FCHSD2: variants seen among roughly 807,000 people sequenced by gnomAD.
FCHSD2 encodes FCH and double SH3 domains 2.
FCHSD2 carries 38 observed loss-of-function variants against 108.1 expected under a neutral mutation model. The ratio of observed to expected loss-of-function variants is 0.35; its 90% CI spans 0.27 to 0.46. FCHSD2 has a LOEUF of 0.46. Among genes scored for constraint, FCHSD2 ranks in the 20% least tolerant of loss-of-function variants. The pLI is 1.00. For synonymous variants in FCHSD2, 279 were observed against 314.7 expected, an observed-to-expected ratio of 0.89 and a Z score of 1.20; for missense variants, 751 against 897.8, an observed-to-expected ratio of 0.84 and a Z score of 2.09.
chr11:72,883,033 C>T (rs571383553), intron 12 of FCHSD2, among the ~76,000 whole-genome samples: 11 of 152,054 alleles, frequency 7.2e-5, no homozygotes, highest in Non-Finnish European at 1.3e-4. Flanking sequence ...GTTTTCAATA[C>T]GGGTGCAAAG....
chr11:72,988,886 T>C, intron 6 of FCHSD2, 78 bp downstream of exon 6: 1 of 1,275,584 alleles, frequency 7.8e-7, no homozygotes, highest in Non-Finnish European at 1.1e-6. Flanking sequence ...CCATGCTCAC[T>C]ACTAATAGAG....
At chr11:72,858,409 C>CAT (rs1861482172) in intron 13 of FCHSD2, among the ~76,000 whole-genome samples, 1 of 152,164 alleles carries the variant, frequency 6.6e-6, no homozygotes. Context: ...AAATGTGGTA[C>CAT]ATATACACCA....
intron 9 of FCHSD2, among the ~76,000 whole-genome samples, chr11:72,910,751 CCTT>C (rs1355068935): frequency 6.6e-6 from 1 of 151,072 alleles, no homozygotes; most frequent in Non-Finnish European, 1.5e-5. Context: ...TATCTGCTGA[CCTT>C]CTCTCCACTA....
intron 8 of FCHSD2, among the ~76,000 whole-genome samples, chr11:72,950,135 T>C (rs1472610173): frequency 6.6e-6 from 1 of 152,246 alleles, no homozygotes; most frequent in African/African-American, 2.4e-5. Flanking sequence ...ATAAAGGTAT[T>C]ACTCATCTTT....
Position 73,105,404 on chromosome 11 carries a change from G to A in FCHSD2, c.120-21664C>T, listed in dbSNP as rs540124388. Reference sequence around the variant, plus strand: ...CACCCTCTATATAAGACACCACCATGCCCCAGAATCTACCAGGCTCTTTAT... The same window carrying A: ...CACCCTCTATATAAGACACCACCATACCCCAGAATCTACCAGGCTCTTTAT... On this transcript the variant is annotated intron_variant, in intron 2 of 19. Coordinates refer to ENST00000409418, the MANE Select transcript of FCHSD2 (RefSeq NM_014824.3). Among the ~76,000 whole-genome samples the A allele has an allele frequency of 1.4e-3, 214 of 152,258 alleles. 2 individuals are homozygous for A. The highest frequency in any genetic ancestry group is 5.0e-3 in the African/African-American group (209 of 41,558).
intron 4 of FCHSD2, among the ~76,000 whole-genome samples, chr11:73,015,370 T>A (rs772153976): frequency 6.6e-6 from 1 of 152,174 alleles, no homozygotes; most frequent in African/African-American, 2.4e-5. Flanking sequence ...CATTAGAAAG[T>A]TTCCCCCCTA....
chr11:73,040,354 A>G (rs1858605044), intron 3 of FCHSD2, among the ~76,000 whole-genome samples: 1 of 152,246 alleles, frequency 6.6e-6, no homozygotes, highest in Admixed American at 6.5e-5. Context: ...TGCCAGAGGC[A>G]GAGTGTTTTC....
chr11:72,867,449 T>G (rs148370809), intron 13 of FCHSD2, among the ~76,000 whole-genome samples: 434 of 152,330 alleles, frequency 2.8e-3, no homozygotes, highest in Non-Finnish European at 4.8e-3. Context: ...GCCCACGTAC[T>G]AAGAAGAACA....
intron 3 of FCHSD2, among the ~76,000 whole-genome samples, chr11:73,072,216 A>C (rs1158872990): frequency 1.3e-5 from 2 of 151,578 alleles, no homozygotes; most frequent in Non-Finnish European, 2.9e-5. Flanking sequence ...TAAATTAATT[A>C]ATAGAAACAG....
chr11:72,955,603 C>A (rs1052079314), intron 8 of FCHSD2, among the ~76,000 whole-genome samples: 2 of 152,130 alleles, frequency 1.3e-5, no homozygotes, highest in Non-Finnish European at 1.5e-5. Flanking sequence ...CATCCTGACG[C>A]TATTCAGGAG....
intron 17 of FCHSD2, 108 bp from the exon 18 acceptor site, chr11:72,841,691 T>G: frequency 8.5e-7 from 1 of 1,181,858 alleles, no homozygotes; most frequent in East Asian, 2.7e-5. Flanking sequence ...GCTAAGCTGA[T>G]TGTTGAAACT....
intron 2 of FCHSD2, among the ~76,000 whole-genome samples, chr11:73,085,221 A>G (rs1040684277): frequency 1.3e-5 from 2 of 151,772 alleles, no homozygotes; most frequent in African/African-American, 4.8e-5. Flanking sequence ...GAAGACTAAG[A>G]TTTTTTTTTA....
chr11:73,073,424 T>C (rs1483981941), intron 3 of FCHSD2, among the ~76,000 whole-genome samples: 4 of 152,240 alleles, frequency 2.6e-5, no homozygotes, highest in Non-Finnish European at 5.9e-5. Context: ...CCTCCAATTA[T>C]ATAAGCAAGG....
At chr11:72,986,534 T>C (rs1310728107) in intron 6 of FCHSD2, among the ~76,000 whole-genome samples, 1 of 152,178 alleles carries the variant, frequency 6.6e-6, no homozygotes, top group Non-Finnish European at 1.5e-5. Flanking sequence ...TTATTAATCA[T>C]ATTCCTGTTT....
At chr11:72,856,890 T>C (rs1470473513) in intron 13 of FCHSD2, among the ~76,000 whole-genome samples, 3 of 152,208 alleles carry the variant, frequency 2.0e-5, no homozygotes, top group Non-Finnish European at 4.4e-5. Flanking sequence ...TTAGAAGACA[T>C]TGCCTTCATA....
intron 3 of FCHSD2, among the ~76,000 whole-genome samples, chr11:73,035,177 T>C (rs1294880017): frequency 7.5e-6 from 1 of 132,654 alleles, no homozygotes; most frequent in Non-Finnish European, 1.6e-5. Flanking sequence ...TATGTATGTA[T>C]GTATGTATGT....
chr11:73,097,283 C>G (rs1355415620), intron 2 of FCHSD2, among the ~76,000 whole-genome samples: 2 of 151,674 alleles, frequency 1.3e-5, no homozygotes, highest in Non-Finnish European at 2.9e-5. Context: ...CCTGGGATTG[C>G]AGGCGTGTAA....
intron 2 of FCHSD2, among the ~76,000 whole-genome samples, chr11:73,105,708 C>G (rs1312293173): frequency 1.3e-5 from 2 of 152,150 alleles, no homozygotes; most frequent in Non-Finnish European, 2.9e-5. Flanking sequence ...CAAAAACTCA[C>G]AATAGGTGTC....
chr11:72,979,248 T>C (rs1179149289), intron 8 of FCHSD2, among the ~76,000 whole-genome samples: 1 of 152,104 alleles, frequency 6.6e-6, no homozygotes, highest in Non-Finnish European at 1.5e-5. Context: ...AGAACTCTCA[T>C]ACATTAAAAC....
Sources: gnomAD v4.1 joint callset for allele counts (sites outside exome capture counted in the v4.1 genomes callset) on GRCh38, gnomAD v4.1.1 for gene constraint, MANE v1.5 for transcripts, NCBI Gene and HGNC (gene_info 2026-07-23, HGNC 2026-07-21) for gene names.